FAM199X: variants seen among roughly 807,000 people sequenced by gnomAD.
The protein encoded by FAM199X is protein FAM199X.
FAM199X carries 4 observed loss-of-function variants against 22.9 expected under a neutral mutation model. The observed-to-expected ratio is 0.17, with a 90% confidence interval of 0.09 to 0.40. FAM199X has a LOEUF of 0.40. Among genes scored for constraint, FAM199X ranks in the 10% least tolerant of loss-of-function variants. The probability of loss-of-function intolerance (pLI) is 1.00; values close to 1 mark genes in which losing one functional copy is unlikely to be tolerated. For synonymous variants in FAM199X, 101 were observed against 112.3 expected, an observed-to-expected ratio of 0.90 and a Z score of 0.64; for missense variants, 183 against 306.8, an observed-to-expected ratio of 0.60 and a Z score of 3.01.
intron 2 of FAM199X, among the ~76,000 whole-genome samples, chrX:104,182,887 T>C (rs1037167028): frequency 7.2e-5 from 8 of 111,364 alleles, no homozygotes; most frequent in South Asian, 3.8e-4. Context: ...TCCTTCGAGA[T>C]TGATGATATT....
chrX:104,186,537 C>A lies in FAM199X; in HGVS notation c.645C>A (p.Ile215=). ...GLREQLDIIK[I]IDPSAQISPT... ...GGGAGCAACTTGATATTATTAAGAT[C>A]ATTGATCCTTCTGCTCAAATCTCCC... is the stretch of plus-strand genomic sequence containing the variant. The change falls in exon 4 of 6, where the codon ATC becomes ATA. Residue 215 remains isoleucine (I), a synonymous_variant. Coordinates refer to ENST00000493442, the MANE Select transcript of FAM199X (RefSeq NM_207318.4). 8.3e-7 allele frequency: 1 copy of A among 1,209,183 alleles called. No homozygotes were observed. Among genetic ancestry groups the A allele is most frequent in the Non-Finnish European group, 1.1e-6 (1 of 893,418 alleles).
At position 104,175,756 on chromosome X, in the gene FAM199X, T is replaced by A. The variant is rs1556376283; in HGVS notation, c.331T>A (p.Leu111Ile). Reference sequence around the variant, plus strand: ...TGATCAGGACTTCACTTCTTTTGATTTATTTCCTGAGGGGAGTGTCTGCAG... The same window carrying A: ...TGATCAGGACTTCACTTCTTTTGATATATTTCCTGAGGGGAGTGTCTGCAG... ...LDDQDFTSFDLFPEGSVCSDV... is the reference protein window; with the variant it reads ...LDDQDFTSFDIFPEGSVCSDV... The change falls in exon 2 of 6, where the codon TTA (leucine) becomes ATA (isoleucine). Residue 111 changes from leucine to isoleucine, a missense_variant. By Grantham distance (5) the Leu-to-Ile change is conservative. Around this residue, in one of 2 missense-constraint regions of FAM199X, gnomAD observed 128 missense variants for 246.2 expected, o/e 0.52. Transcript: ENST00000493442. 2 of 1,211,337 alleles carry A rather than the reference T, an allele frequency of 1.7e-6. No individual in the cohort carries two copies. Among genetic ancestry groups the A allele is most frequent in the Non-Finnish European group, 2.2e-6 (2 of 895,137 alleles).
intron 1 of FAM199X, among the ~76,000 whole-genome samples, chrX:104,173,386 C>G (rs1921407399): frequency 9.0e-6 from 1 of 111,457 alleles, no homozygotes; most frequent in Admixed American, 9.5e-5. Flanking sequence ...CATCTACTTT[C>G]TATTTACTGA....
upstream of FAM199X, among the ~76,000 whole-genome samples, chrX:104,161,467 C>T (rs1556372641): frequency 2.7e-5 from 3 of 112,070 alleles, no homozygotes. Flanking sequence ...TGGTGAATTA[C>T]CCCATTCATT....
At chrX:104,189,505 C>A in intron 5 of FAM199X, 103 bp from the exon 6 acceptor site, 1 of 818,984 alleles carries the variant, frequency 1.2e-6, no homozygotes, top group Admixed American at 2.3e-5. Context: ...AGGATTTGAA[C>A]AGCTCTTAAA....
intron 2 of FAM199X, among the ~76,000 whole-genome samples, chrX:104,183,092 A>G (rs2147895226): frequency 9.0e-6 from 1 of 111,630 alleles, no homozygotes; most frequent in East Asian, 2.8e-4. Flanking sequence ...AAGAGAAGTA[A>G]AGGTACAAAT....
intron 2 of FAM199X, among the ~76,000 whole-genome samples, chrX:104,177,962 C>CT (rs782391275): frequency 2.7e-5 from 3 of 110,893 alleles, no homozygotes; most frequent in Admixed American, 9.6e-5. Flanking sequence ...TCTAATTTAT[C>CT]TTTTTTTTGG....
In FAM199X at chrX:104,182,642, CTT is replaced by C. The variant is rs782511426; in HGVS notation, c.418-3422_418-3421del. On this transcript the variant is annotated intron_variant, in intron 2 of 5. Coordinates refer to ENST00000493442, the MANE Select transcript of FAM199X (RefSeq NM_207318.4). ...ATACTATGTTTTTTTCCATCTATGA[CTT>C]TACTAAATTATTCTCCTTACCTGAA... 6.5e-4 allele frequency among the ~76,000 whole-genome samples: 72 copies of C among 111,226 alleles called. 1 individual carries two copies. Among genetic ancestry groups the C allele is most frequent in the African/African-American group, 2.0e-3 (60 of 30,609 alleles).
chrX:104,175,523 A>G, intron 1 of FAM199X, 100 bp from the exon 2 acceptor site: 1 of 703,042 alleles, frequency 1.4e-6, no homozygotes, highest in East Asian at 3.5e-5. Context: ...AAAAAACCTC[A>G]CATTCCTTAT....
chrX:104,163,160 G>C (rs1556372990), upstream of FAM199X, among the ~76,000 whole-genome samples: 1 of 107,538 alleles, frequency 9.3e-6, no homozygotes, highest in Non-Finnish European at 1.9e-5. Context: ...TCAATCACAT[G>C]AAAAAATTAT....
chrX:104,158,407 G>A, the FAM199X span, among the ~76,000 whole-genome samples: 1 of 112,061 alleles, frequency 8.9e-6, no homozygotes, highest in Non-Finnish European at 1.9e-5. Context: ...GACCACTGGG[G>A]ATAAAGGTAC....
Position 104,191,172 on chromosome X carries a change from T to A in FAM199X, c.*1394T>A, listed in dbSNP as rs973227106. Reference sequence around the variant, plus strand: ...GTACAGAGGTTAGTAAGATTTCTTTTTTTTTTACTTTTTGTTACGTCAAGT... The same window carrying A: ...GTACAGAGGTTAGTAAGATTTCTTTATTTTTTACTTTTTGTTACGTCAAGT... On this transcript the variant is annotated 3_prime_UTR_variant, in exon 6 of 6. Transcript: ENST00000493442. The A allele has an allele frequency of 3.6e-5, 4 of 111,783 alleles. No individual in the cohort carries two copies. The highest frequency in any genetic ancestry group is 7.5e-5 in the Non-Finnish European group (4 of 53,077). 9.2% of individuals were successfully genotyped at this position (111,783 alleles called of 1,213,427 possible). A position where few individuals can be genotyped will look rare whatever the true frequency, so the allele number is the denominator to read the frequency against.
At chrX:104,168,647 A>G (rs181380570) in intron 1 of FAM199X, among the ~76,000 whole-genome samples, 6,380 of 111,322 alleles carry the variant, frequency 0.057, 211 homozygotes, top group Non-Finnish European at 0.093. Context: ...GGCTGTGGGT[A>G]AGTACTGCCA....
chrX:104,184,720 G>T (rs2060827487), intron 2 of FAM199X, among the ~76,000 whole-genome samples: 1 of 109,965 alleles, frequency 9.1e-6, no homozygotes, highest in African/African-American at 3.3e-5. Context: ...TTTTTCTCTT[G>T]TAATACTTCT....
chrX:104,162,054 A>G (rs1393299841), upstream of FAM199X, among the ~76,000 whole-genome samples: 1 of 111,821 alleles, frequency 8.9e-6, no homozygotes, highest in Non-Finnish European at 1.9e-5. Context: ...GTTCCAGACA[A>G]CAAAAGAGGG....
In FAM199X at chrX:104,191,155, G is replaced by T. The variant is rs1220669882; in HGVS notation, c.*1377G>T. 1.8e-5 allele frequency: 2 copies of T among 111,249 alleles called. No individual in the cohort carries two copies. Among genetic ancestry groups the T allele is most frequent in the African/African-American group, 6.5e-5 (2 of 30,690 alleles). 9.2% of individuals were successfully genotyped at this position (111,249 alleles called of 1,213,427 possible). ...TTTTTCAAACTCTAAGAGTACAGAG[G>T]TTAGTAAGATTTCTTTTTTTTTTAC... On this transcript the variant is annotated 3_prime_UTR_variant, in exon 6 of 6. Coordinates refer to ENST00000493442, the MANE Select transcript of FAM199X (RefSeq NM_207318.4).
At chrX:104,180,950 A>G (rs1921638361) in intron 2 of FAM199X, among the ~76,000 whole-genome samples, 1 of 112,533 alleles carries the variant, frequency 8.9e-6, no homozygotes. Context: ...TAACCTTAGA[A>G]TGAATTAGCA....
rs1556379088 is a variant in FAM199X, at chrX:104,186,185, C to T, written c.537C>T (p.Leu179=). ...ACAAGCACCGGAATTTAGATGAACT[C>T]CCTTGGAGTGCAATGACAAATGATG... ...KKNKHRNLDE[L]PWSAMTNDEQ... is the part of the protein sequence containing the mutation. Residue 179 remains leucine, a synonymous_variant, in exon 3 of 6, where the codon CTC becomes CTT. Transcript: ENST00000493442. 1.7e-6 allele frequency: 2 copies of T among 1,209,260 alleles called. No homozygotes were observed. The highest frequency in any genetic ancestry group is 3.5e-5 in the South Asian group (2 of 56,405).
chrX:104,175,096 G>A (rs1296929112), intron 1 of FAM199X, among the ~76,000 whole-genome samples: 7 of 111,811 alleles, frequency 6.3e-5, no homozygotes, highest in Non-Finnish European at 1.1e-4. Flanking sequence ...TGATCATCAC[G>A]ATACCTCCAT....
Sources: allele counts gnomAD v4.1 joint callset (sites outside exome capture counted in the v4.1 genomes callset), GRCh38; gene constraint gnomAD v4.1.1; regional missense constraint gnomAD v4.1.1; transcripts MANE v1.5; gene names NCBI Gene and HGNC (gene_info 2026-07-23, HGNC 2026-07-21).